The following RIT2 variants were observed in gnomAD, a reference collection of about 807,000 sequenced individuals.
The protein encoded by RIT2 is Ras like without CAAX 2, also known as GTP-binding protein Rit2.
In RIT2, 24 loss-of-function variants were observed where a neutral mutation model predicts 23.7. The observed-to-expected ratio is 1.01, with a 90% CI of 0.73 to 1.43. RIT2 has a LOEUF of 1.43. RIT2 is among the 40% of genes most tolerant of loss of function. The probability of loss-of-function intolerance (pLI) is 0.00; values close to 1 mark genes in which losing one functional copy is unlikely to be tolerated. For missense variants in RIT2, 236 were observed against 266.9 expected, an observed-to-expected ratio of 0.88 and a Z score of 0.81; for synonymous variants, 107 against 91.1, an observed-to-expected ratio of 1.17 and a Z score of -0.99.
chr18:42,999,962 C>A (rs1297749503), intron 2 of RIT2, among the ~76,000 whole-genome samples: 1 of 152,038 alleles, frequency 6.6e-6, no homozygotes, highest in African/African-American at 2.4e-5. Flanking sequence ...TATGTAGCTA[C>A]TCCAATGGAG....
chr18:42,749,471 G>A (rs1243275986), intron 4 of RIT2, among the ~76,000 whole-genome samples: 1 of 151,584 alleles, frequency 6.6e-6, no homozygotes, highest in Admixed American at 6.6e-5. Flanking sequence ...ATGATAAACA[G>A]ATAAGTAAGT....
At chr18:42,853,141 A>AG (rs1448646203) in intron 4 of RIT2, among the ~76,000 whole-genome samples, 5 of 152,126 alleles carry the variant, frequency 3.3e-5, no homozygotes, top group African/African-American at 1.2e-4. Flanking sequence ...GCCTCTTTTC[A>AG]GAATTTTGTA....
chr18:42,946,294 T>C (rs1309654115), intron 3 of RIT2, among the ~76,000 whole-genome samples: 4 of 152,208 alleles, frequency 2.6e-5, no homozygotes, highest in South Asian at 4.1e-4. Flanking sequence ...TCCCAGTTGA[T>C]AGTGATAATG....
Position 42,994,525 on chromosome 18 carries a change from T to TC in RIT2, c.161-20379dup, listed in dbSNP as rs1322713336. Among the ~76,000 whole-genome samples the TC allele has an allele frequency of 3.9e-5, 6 of 152,122 alleles. No individual in the cohort carries two copies. In the East Asian group the frequency reaches 1.2e-3, roughly 30 times the overall value. On this transcript the variant is annotated intron_variant, in intron 2 of 4. Coordinates refer to ENST00000326695, the MANE Select transcript of RIT2 (RefSeq NM_002930.4). ...CTGACCCCATAGATCCTAAATCCTTTCCCCACTCCTCTTTCCATTCCTCGA... is the reference window on the plus strand; with the variant it reads ...CTGACCCCATAGATCCTAAATCCTTTCCCCCACTCCTCTTTCCATTCCTCGA...
chr18:42,786,960 A>G (rs1913936321), intron 4 of RIT2, among the ~76,000 whole-genome samples: 1 of 152,172 alleles, frequency 6.6e-6, no homozygotes, highest in South Asian at 2.1e-4. Context: ...GACAAAATTT[A>G]TAGACAGGAA....
chr18:42,795,474 C>T (rs1905316390), intron 4 of RIT2, among the ~76,000 whole-genome samples: 1 of 152,238 alleles, frequency 6.6e-6, no homozygotes, highest in Non-Finnish European at 1.5e-5. Context: ...TCCCGCGGGG[C>T]AGGGCTCGGG....
intron 4 of RIT2, among the ~76,000 whole-genome samples, chr18:42,839,840 T>A (rs1464245777): frequency 2.0e-5 from 3 of 152,148 alleles, no homozygotes; most frequent in African/African-American, 7.2e-5. Flanking sequence ...ACCAACTTCA[T>A]ATCTATAATA....
chr18:42,772,324 C>T (rs889051174), intron 4 of RIT2, among the ~76,000 whole-genome samples: 1 of 151,968 alleles, frequency 6.6e-6, no homozygotes, highest in Non-Finnish European at 1.5e-5. Context: ...ATATTTTGAC[C>T]CTAATAGTTT....
At chr18:42,977,870 A>C (rs1314105638) in intron 2 of RIT2, among the ~76,000 whole-genome samples, 4 of 149,810 alleles carry the variant, frequency 2.7e-5, no homozygotes, top group Non-Finnish European at 4.4e-5. Context: ...TGTATTCAGC[A>C]TATGGCCAAC....
chr18:43,005,831 T>C (rs540635013), intron 2 of RIT2, among the ~76,000 whole-genome samples: 2 of 151,826 alleles, frequency 1.3e-5, no homozygotes, highest in African/African-American at 4.8e-5. Flanking sequence ...TGAGGTCTGA[T>C]GGATCCAAAA....
intron 4 of RIT2, among the ~76,000 whole-genome samples, chr18:42,909,508 A>C (rs1344383115): frequency 6.6e-6 from 1 of 152,168 alleles, no homozygotes; most frequent in Admixed American, 6.6e-5. Context: ...CATATTTTGT[A>C]AATTTAAAAA....
At chr18:42,782,098 G>A (rs946352886) in intron 4 of RIT2, among the ~76,000 whole-genome samples, 2 of 152,114 alleles carry the variant, frequency 1.3e-5, no homozygotes, top group African/African-American at 4.8e-5. Context: ...GTTTCTTTGT[G>A]TGTTCAGTAT....
intron 4 of RIT2, among the ~76,000 whole-genome samples, chr18:42,766,439 A>G (rs1341467345): frequency 1.3e-5 from 2 of 152,198 alleles, no homozygotes; most frequent in Non-Finnish European, 2.9e-5. Context: ...GAACTTGAGA[A>G]AGATGATTTA....
chr18:43,013,829 C>T (rs900739587), intron 2 of RIT2, among the ~76,000 whole-genome samples: 1 of 151,728 alleles, frequency 6.6e-6, no homozygotes, highest in African/African-American at 2.4e-5. Context: ...AGGGCCCTGA[C>T]ATCCTCTCCT....
At chr18:43,049,480 G>A (rs1912326144) in intron 1 of RIT2, among the ~76,000 whole-genome samples, 1 of 152,018 alleles carries the variant, frequency 6.6e-6, no homozygotes, top group African/African-American at 2.4e-5. Flanking sequence ...TAAGTTTTAG[G>A]GACACAGAGG....
chr18:42,781,670 A>G (rs1913814834), intron 4 of RIT2, among the ~76,000 whole-genome samples: 1 of 152,186 alleles, frequency 6.6e-6, no homozygotes, highest in Non-Finnish European at 1.5e-5. Context: ...ATACTAGTGC[A>G]TATGAGCTAG....
intron 4 of RIT2, among the ~76,000 whole-genome samples, chr18:42,761,807 AGCT>A (rs1389306959): frequency 5.9e-5 from 9 of 152,204 alleles, no homozygotes; most frequent in Non-Finnish European, 1.2e-4. Context: ...CCTCTCCAGA[AGCT>A]GGGATTACAG....
intron 4 of RIT2, among the ~76,000 whole-genome samples, chr18:42,789,414 C>T (rs1913992468): frequency 6.6e-6 from 1 of 152,164 alleles, no homozygotes; most frequent in Admixed American, 6.5e-5. Context: ...CTGTAGCTTG[C>T]TTTGAGCAGC....
chr18:42,807,789 G>A (rs1024592568), intron 4 of RIT2, among the ~76,000 whole-genome samples: 34 of 133,722 alleles, frequency 2.5e-4, no homozygotes, highest in African/African-American at 1.0e-3. Flanking sequence ...AACACAAAGT[G>A]AATGTGTGTG....
Sources: gnomAD v4.1 joint callset for allele counts (sites outside exome capture counted in the v4.1 genomes callset) on GRCh38, gnomAD v4.1.1 for gene constraint, MANE v1.5 for transcripts, NCBI Gene and HGNC (gene_info 2026-07-23, HGNC 2026-07-21) for gene names.